Variants in ATOSA observed in about 807,000 individuals in gnomAD.
The protein encoded by ATOSA is atos homolog protein A.
the ATOSA span, among the ~76,000 whole-genome samples, chr15:52,684,429 T>C: frequency 6.6e-6 from 1 of 152,056 alleles, no homozygotes; most frequent in African/African-American, 2.4e-5. Context: ...CCTAGTTACT[T>C]AGGAGGCTGA....
the ATOSA span, chr15:52,584,634 A>C: frequency 1.1e-6 from 1 of 907,624 alleles, no homozygotes; most frequent in South Asian, 1.8e-5. Context: ...TTCCCAAGCT[A>C]AGCAAAGTCC....
chr15:52,613,537 T>C, the ATOSA span: 5 of 1,030,336 alleles, frequency 4.9e-6, no homozygotes, highest in Non-Finnish European at 6.9e-6. Flanking sequence ...GGTCCAGGAT[T>C]TGGATTTTTT....
At chr15:52,630,774 A>G in the ATOSA span, among the ~76,000 whole-genome samples, 1 of 152,204 alleles carries the variant, frequency 6.6e-6, no homozygotes, top group Non-Finnish European at 1.5e-5. Context: ...ATTTTGGAAA[A>G]AACAAGTGTT....
chr15:52,620,676 C>A, the ATOSA span, among the ~76,000 whole-genome samples: 1 of 152,292 alleles, frequency 6.6e-6, no homozygotes, highest in East Asian at 1.9e-4. Context: ...CAGCCAGGTG[C>A]AGTGGCTTAT....
At chr15:52,593,458 T>C in the ATOSA span, 2 of 930,382 alleles carry the variant, frequency 2.1e-6, no homozygotes, top group South Asian at 2.2e-5. Flanking sequence ...TTTTGGCATA[T>C]TAGTTTGTAT....
chr15:52,646,149 C>G, the ATOSA span, among the ~76,000 whole-genome samples: 1 of 152,186 alleles, frequency 6.6e-6, no homozygotes, highest in African/African-American at 2.4e-5. Flanking sequence ...ACCCCTACTT[C>G]TAGTACTCTC....
At chr15:52,657,703 A>G in the ATOSA span, 3 of 152,258 alleles carry the variant, frequency 2.0e-5, no homozygotes, top group African/African-American at 7.2e-5. Flanking sequence ...GTTTTAATCA[A>G]TAAAATGGAA....
At chr15:52,679,339 C>G in the ATOSA span, 3 of 154,128 alleles carry the variant, frequency 1.9e-5, no homozygotes, top group African/African-American at 7.2e-5. Context: ...GGCTCCCCGT[C>G]CCCCTCGCTC....
the ATOSA span, among the ~76,000 whole-genome samples, chr15:52,618,260 C>T: frequency 1.3e-5 from 2 of 152,072 alleles, no homozygotes; most frequent in East Asian, 1.9e-4. Context: ...AGCATGGTCT[C>T]GATCTCCTTA....
At chr15:52,664,139 A>C in the ATOSA span, among the ~76,000 whole-genome samples, 2 of 152,334 alleles carry the variant, frequency 1.3e-5, no homozygotes, top group East Asian at 3.9e-4. Flanking sequence ...CTCAGTCCTT[A>C]CTAAAGTAGG....
At chr15:52,693,949 C>T in the ATOSA span, among the ~76,000 whole-genome samples, 1 of 152,080 alleles carries the variant, frequency 6.6e-6, no homozygotes, top group Non-Finnish European at 1.5e-5. Flanking sequence ...ATTGTTCTCT[C>T]TCATACCTCA....
chr15:52,604,255 A>G, the ATOSA span, among the ~76,000 whole-genome samples: 1 of 152,240 alleles, frequency 6.6e-6, no homozygotes, highest in Non-Finnish European at 1.5e-5. Context: ...CCCCGTCTCT[A>G]CTAAAAATAC....
chr15:52,608,827 A>T, the ATOSA span: 2 of 1,605,160 alleles, frequency 1.2e-6, no homozygotes, highest in Non-Finnish European at 1.7e-6. Context: ...ATATTTGTTC[A>T]AATATTCAGA....
the ATOSA span, chr15:52,598,676 G>A: frequency 6.6e-6 from 1 of 152,106 alleles, no homozygotes; most frequent in African/African-American, 2.4e-5. Context: ...GAAAATGTAT[G>A]TATATCTGCA....
the ATOSA span, among the ~76,000 whole-genome samples, chr15:52,643,039 C>A: frequency 2.0e-5 from 3 of 152,084 alleles, no homozygotes; most frequent in Non-Finnish European, 4.4e-5. Context: ...CAAACTCATT[C>A]TCTCCCAGGG....
chr15:52,623,814 C>T, the ATOSA span, among the ~76,000 whole-genome samples: 7 of 152,120 alleles, frequency 4.6e-5, no homozygotes, highest in African/African-American at 1.7e-4. Flanking sequence ...AGTCTACTTA[C>T]TTAGTCTTGT....
chr15:52,661,772 A>C, the ATOSA span, among the ~76,000 whole-genome samples: 1 of 152,154 alleles, frequency 6.6e-6, no homozygotes, highest in African/African-American at 2.4e-5. Flanking sequence ...GTGCCTGCAG[A>C]ACCAGCATTC....
At chr15:52,603,606 G>GAATA in the ATOSA span, among the ~76,000 whole-genome samples, 151,130 of 152,306 alleles carry the variant, frequency 0.99, 74,987 homozygotes, top group Middle Eastern at 1. Context: ...ATAGATGAAT[G>GAATA]AAGAAAATGT....
At chr15:52,628,697 T>G in the ATOSA span, among the ~76,000 whole-genome samples, 1 of 152,200 alleles carries the variant, frequency 6.6e-6, no homozygotes, top group Non-Finnish European at 1.5e-5. Context: ...TATGAATAGA[T>G]TAAAAGCTTA....
Sources: gnomAD v4.1 joint callset for allele counts (sites outside exome capture counted in the v4.1 genomes callset) on GRCh38, gnomAD v4.1.1 for gene constraint, MANE v1.5 for transcripts, NCBI Gene and HGNC (gene_info 2026-07-23, HGNC 2026-07-21) for gene names.